The following USP46 variants were observed in gnomAD, a reference collection of about 807,000 sequenced individuals.
USP46 encodes the protein ubiquitin carboxyl-terminal hydrolase 46.
In USP46, 12 loss-of-function variants were observed where a neutral mutation model predicts 44.4. That is an observed-to-expected ratio of 0.27 (90% confidence interval 0.17 to 0.44). The LOEUF (loss-of-function observed/expected upper bound fraction) is 0.44, where lower values mean the gene tolerates loss of function less well. USP46 is among the 20% of genes least tolerant of loss of function. The pLI is 1.00. For missense variants in USP46, 248 were observed against 444.8 expected (o/e 0.56, Z 3.98); for synonymous variants, 155 against 161.5 (o/e 0.96, Z 0.31).
At position 52,596,029 on chromosome 4, in the gene USP46, A is replaced by G. The variant is rs938005041; in HGVS notation, c.*1611T>C. 6.6e-6 allele frequency: 1 copy of G among 152,668 alleles called. No homozygotes were observed. Among genetic ancestry groups the G allele is most frequent in the Non-Finnish European group, 1.5e-5 (1 of 68,032 alleles). The allele number at this position is 152,668 out of a possible 1,614,324, so 9.5% of individuals were successfully genotyped here. A position where few individuals can be genotyped will look rare whatever the true frequency, so the allele number is the denominator to read the frequency against. ...ACCCTGTTTTGTCTTCTCCAGTGAA[A>G]AGTAAAACATTTCACTTCAAGCATA... On this transcript the variant is annotated 3_prime_UTR_variant, in exon 9 of 9. Transcript: ENST00000441222.
At chr4:52,653,434 G>A (rs1205666813) in intron 1 of USP46, among the ~76,000 whole-genome samples, 1 of 150,050 alleles carries the variant, frequency 6.7e-6, no homozygotes, top group East Asian at 2.0e-4. Flanking sequence ...GAATCCAGGA[G>A]GCAGAGGTTG....
intron 2 of USP46, among the ~76,000 whole-genome samples, chr4:52,630,288 T>A (rs1717769501): frequency 6.6e-6 from 1 of 152,152 alleles, no homozygotes; most frequent in Non-Finnish European, 1.5e-5. Flanking sequence ...GATAAAATGG[T>A]CCCAGTTTTC....
At chr4:52,647,265 G>A (rs977303758) in intron 1 of USP46, among the ~76,000 whole-genome samples, 45 of 152,170 alleles carry the variant, frequency 3.0e-4, no homozygotes, top group Admixed American at 9.2e-4. Flanking sequence ...TAAAAACTAA[G>A]AGAGAAATAT....
intron 1 of USP46, among the ~76,000 whole-genome samples, chr4:52,646,938 A>G (rs1197956626): frequency 6.6e-6 from 1 of 152,226 alleles, no homozygotes; most frequent in African/African-American, 2.4e-5. Context: ...ATGGAGGGCA[A>G]TTTGGCAAAA....
chr4:52,629,476 T>C (rs1352728000), intron 2 of USP46, among the ~76,000 whole-genome samples: 1 of 152,204 alleles, frequency 6.6e-6, no homozygotes, highest in Admixed American at 6.5e-5. Context: ...TCCCCATGCC[T>C]TGAATAACTC....
intron 2 of USP46, among the ~76,000 whole-genome samples, chr4:52,629,843 G>C (rs1717746950): frequency 6.6e-6 from 1 of 152,136 alleles, no homozygotes; most frequent in Non-Finnish European, 1.5e-5. Flanking sequence ...TGGAGGCTCA[G>C]AGAGTGCAAG....
rs753804764 is a variant in USP46, at chr4:52,601,959, C to T, written c.818G>A (p.Arg273His). Residue 273 changes from arginine (R) to histidine (H), a missense_variant, in exon 7 of 9, where the codon CGT becomes CAT. Coordinates refer to ENST00000441222, the MANE Select transcript of USP46 (RefSeq NM_022832.4). ...QLHRYTKLSY[R>H]VVFPLELRLF... ...CCGGAGTTCCAGAGGGAAGACCACA[C>T]GGTAAGACAGCTTGGTGTATCTGTG... 2 of 1,614,000 alleles carry T rather than the reference C, an allele frequency of 1.2e-6. No individual in the cohort carries two copies. Among genetic ancestry groups the T allele is most frequent in the Admixed American group, 1.7e-5 (1 of 60,020 alleles).
In USP46 at chr4:52,595,715, C is replaced by T. The variant is rs1461752489; in HGVS notation, c.*1925G>A. On this transcript the variant is annotated 3_prime_UTR_variant, in exon 9 of 9. Transcript: ENST00000441222. ...GGTGTTTCAAAGATAATTTTAATAA[C>T]TTTTCTTATGAATCAGTTCCAAATA... is the stretch of plus-strand genomic sequence containing the variant. The T allele has an allele frequency of 6.6e-6, 1 of 152,098 alleles. No individual in the cohort carries two copies. Among genetic ancestry groups the T allele is most frequent in the African/African-American group, 2.4e-5 (1 of 41,406 alleles). 9.4% of individuals were successfully genotyped at this position (152,098 alleles called of 1,614,324 possible).
chr4:52,642,152 T>C (rs1486994139), intron 1 of USP46, among the ~76,000 whole-genome samples: 1 of 152,196 alleles, frequency 6.6e-6, no homozygotes, highest in Non-Finnish European at 1.5e-5. Context: ...AGAAGACACC[T>C]GACAGAATTC....
intron 4 of USP46, among the ~76,000 whole-genome samples, chr4:52,616,562 A>G (rs1348404330): frequency 6.6e-6 from 1 of 152,114 alleles, no homozygotes; most frequent in Non-Finnish European, 1.5e-5. Context: ...TCGTAGAGAC[A>G]GGGTTTCACC....
At chr4:52,629,742 T>TGTCAGG in intron 2 of USP46, 1 of 456,186 alleles carries the variant, frequency 2.2e-6, no homozygotes. Context: ...CTCAGCTTCA[T>TGTCAGG]GTCAGGGTTT....
chr4:52,656,921 T>TCCCAGCTACTCAGAAG (rs1718975244), intron 1 of USP46, among the ~76,000 whole-genome samples: 1 of 150,432 alleles, frequency 6.6e-6, no homozygotes. Context: ...GTGCCTGTAG[T>TCCCAGCTACTCAGAAG]CCCAGCTACT....
chr4:52,615,442 C>A (rs945963237), intron 4 of USP46, among the ~76,000 whole-genome samples: 2 of 151,948 alleles, frequency 1.3e-5, no homozygotes, highest in Admixed American at 6.6e-5. Context: ...AGGACATTTC[C>A]TAATGATAAG....
At chr4:52,653,009 T>A (rs956115336) in intron 1 of USP46, among the ~76,000 whole-genome samples, 5 of 152,130 alleles carry the variant, frequency 3.3e-5, no homozygotes, top group African/African-American at 1.2e-4. Flanking sequence ...CCTATGAGGG[T>A]AAAGTGAAGC....
chr4:52,632,990 A>AAAGAAAAGAAAG, intron 1 of USP46, among the ~76,000 whole-genome samples: 24 of 66,286 alleles, frequency 3.6e-4, no homozygotes, highest in Admixed American at 3.4e-3. Flanking sequence ...GAAAGAAAAG[A>AAAGAAAAGAAAG]AAAGAAAGAA....
At chr4:52,652,303 G>C (rs1007972196) in intron 1 of USP46, among the ~76,000 whole-genome samples, 1 of 152,118 alleles carries the variant, frequency 6.6e-6, no homozygotes, top group South Asian at 2.1e-4. Context: ...AATGCAAATT[G>C]GCATAACTTC....
At chr4:52,653,007 G>A (rs115524704) in intron 1 of USP46, among the ~76,000 whole-genome samples, 2,511 of 152,066 alleles carry the variant, frequency 0.017, 67 homozygotes, top group African/African-American at 0.056. Flanking sequence ...GCCCTATGAG[G>A]GTAAAGTGAA....
intron 1 of USP46, among the ~76,000 whole-genome samples, chr4:52,658,729 C>T (rs1173600456): frequency 1.3e-5 from 2 of 152,346 alleles, no homozygotes; most frequent in African/African-American, 4.8e-5. Context: ...TCCAATAAGG[C>T]TGTCTTGACC....
At chr4:52,626,307 T>TTTACATA in intron 3 of USP46, 60 bp from the exon 4 acceptor site, 1 of 1,362,532 alleles carries the variant, frequency 7.3e-7, no homozygotes, top group South Asian at 1.3e-5. Flanking sequence ...TGGATGTAAT[T>TTTACATA]AGTGTTACAT....
Sources: allele counts gnomAD v4.1 joint callset (sites outside exome capture counted in the v4.1 genomes callset), GRCh38; gene constraint gnomAD v4.1.1; transcripts MANE v1.5; gene names NCBI Gene and HGNC (gene_info 2026-07-23, HGNC 2026-07-21).